Variants in ANO5 observed in about 807,000 individuals in gnomAD.
ANO5 encodes anoctamin 5.
A neutral mutation model predicts 121.0 loss-of-function variants in ANO5; 109 were observed. That is an observed-to-expected ratio of 0.90 (90% CI 0.77 to 1.06). The LOEUF (loss-of-function observed/expected upper bound fraction) is 1.06, where lower values mean the gene tolerates loss of function less well. ANO5 is among the 50% of genes least tolerant of loss of function. The pLI, the probability that ANO5 is intolerant of heterozygous loss-of-function variation, is 0.00. For missense variants in ANO5, 1,064 were observed against 1,078.5 expected (o/e 0.99, Z 0.19); for synonymous variants, 406 against 359.9 (o/e 1.13, Z -1.45).
At chr11:22,250,703 C>T in intron 10 of ANO5, 38 bp from the exon 11 acceptor site, 1 of 1,579,498 alleles carries the variant, frequency 6.3e-7, no homozygotes. Context: ...TACCTAAACA[C>T]CTATCACTGT....
intron 15 of ANO5, 24 bp from the exon 16 acceptor site, chr11:22,262,105 A>G (rs1854206288): frequency 1.9e-6 from 3 of 1,611,656 alleles, no homozygotes; most frequent in Non-Finnish European, 1.7e-6. Flanking sequence ...AAGATGCACT[A>G]AACATTTTTT....
chr11:22,216,319 T>A (rs1852441283), intron 3 of ANO5, among the ~76,000 whole-genome samples: 1 of 151,912 alleles, frequency 6.6e-6, no homozygotes, highest in Admixed American at 6.6e-5. Flanking sequence ...TGTACGAGAG[T>A]TCTTTTTGCT....
Position 22,272,790 on chromosome 11 carries a change from A to C in ANO5, c.2036A>C (p.Gln679Pro). ...CTTTTTCTTTTCTCTACAGTTACTC[A>C]ATTTGGATTTGTTACACTATTTGTG... ...LFYEYLETVT[Q>P]FGFVTLFVAS... is the part of the protein sequence containing the mutation. The change falls in exon 19 of 22, where the codon CAA becomes CCA. Residue 679 changes from glutamine (Q) to proline (P), a missense_variant. Gln to Pro is a moderately conservative substitution (Grantham distance 76). Coordinates refer to ENST00000324559, the MANE Select transcript of ANO5 (RefSeq NM_213599.3). 6.2e-7 allele frequency: 1 copy of C among 1,613,612 alleles called. No individual in the cohort carries two copies. The highest frequency in any genetic ancestry group is 8.5e-7 in the Non-Finnish European group (1 of 1,179,712).
At chr11:22,271,110 C>A (rs1203891781) in intron 18 of ANO5, among the ~76,000 whole-genome samples, 1 of 152,166 alleles carries the variant, frequency 6.6e-6, no homozygotes, top group African/African-American at 2.4e-5. Context: ...TGGAGCGCAG[C>A]TGCCCAATCT....
At chr11:22,234,341 T>C (rs1324134191) in intron 7 of ANO5, among the ~76,000 whole-genome samples, 1 of 152,126 alleles carries the variant, frequency 6.6e-6, no homozygotes, top group Non-Finnish European at 1.5e-5. Flanking sequence ...GAGTTATTCA[T>C]TTATAAACTG....
In ANO5 at chr11:22,208,667, T is replaced by A. The variant is rs188703441; in HGVS notation, c.88-2597T>A. 3.3e-3 allele frequency among the ~76,000 whole-genome samples: 500 copies of A among 152,116 alleles called. 2 individuals are homozygous for A. The highest frequency in any genetic ancestry group is 0.011 in the African/African-American group (463 of 41,564). On this transcript the variant is annotated intron_variant, in intron 2 of 21. Coordinates refer to ENST00000324559, the MANE Select transcript of ANO5 (RefSeq NM_213599.3). ...GACCTCCAACTATACAGAGACATTG[T>A]ACTCATGTCAGCTTCCTGATTATGA...
chr11:22,235,316 G>T (rs1162933704), intron 7 of ANO5, among the ~76,000 whole-genome samples: 1 of 151,810 alleles, frequency 6.6e-6, no homozygotes, highest in Non-Finnish European at 1.5e-5. Context: ...TGTAAAACAG[G>T]TCATATTTAT....
chr11:22,266,546 A>G (rs1854372599), intron 17 of ANO5, among the ~76,000 whole-genome samples: 1 of 151,986 alleles, frequency 6.6e-6, no homozygotes, highest in African/African-American at 2.4e-5. Context: ...ATTTTTGGCC[A>G]TATTTGTTTC....
At chr11:22,273,033 G>A (rs201711989) in intron 19 of ANO5, 44 bp downstream of exon 19, 1 of 1,546,168 alleles carries the variant, frequency 6.5e-7, no homozygotes, top group East Asian at 2.2e-5. Context: ...ATTTCATTTT[G>A]GGGGGTGTGG....
In ANO5 at chr11:22,214,745, T is replaced by A. The variant is rs574881139; in HGVS notation, c.138+3431T>A. On this transcript the variant is annotated intron_variant, in intron 3 of 21. Transcript: ENST00000324559. ...GCAAGAGGTCAAGGGAGCTCTTTGG[T>A]TACCTGCACAGGACAAAAAGCAGGG... is the stretch of plus-strand genomic sequence containing the variant. Among the ~76,000 whole-genome samples the A allele has an allele frequency of 3.3e-5, 5 of 152,072 alleles. No homozygotes were observed. In the South Asian group the frequency reaches 1.0e-3, roughly 32 times the overall value.
Position 22,263,072 on chromosome 11 carries a change from G to C in ANO5, c.1898+29G>C, listed in dbSNP as rs76084798. 2.6e-6 allele frequency: 4 copies of C among 1,535,822 alleles called. No individual in the cohort carries two copies. In the African/African-American group the frequency reaches 5.5e-5, roughly 21 times the overall value. ...TGTATGACTTACAAGCTTTTTATTTGATTTAAGTAACCATGAGATATTTCC... is the reference window on the plus strand; with the variant it reads ...TGTATGACTTACAAGCTTTTTATTTCATTTAAGTAACCATGAGATATTTCC... On this transcript the variant is annotated intron_variant, in intron 17 of 21. Transcript: ENST00000324559.
At chr11:22,252,252 T>G (rs1008571575) in intron 12 of ANO5, among the ~76,000 whole-genome samples, 1 of 152,110 alleles carries the variant, frequency 6.6e-6, no homozygotes, top group Non-Finnish European at 1.5e-5. Context: ...TTTTTGTAAG[T>G]TGTTGTATAT....
At position 22,257,442 on chromosome 11, in the gene ANO5, T is replaced by C. The variant is rs7937378; in HGVS notation, c.1333-238T>C. Reference sequence around the variant, plus strand: ...GCCCTAAACATTGTAATTCAGCATTTAGGAAATTGTGTGTATCCATTATGT... The same window carrying C: ...GCCCTAAACATTGTAATTCAGCATTCAGGAAATTGTGTGTATCCATTATGT... On this transcript the variant is annotated intron_variant, in intron 13 of 21. Coordinates refer to ENST00000324559, the MANE Select transcript of ANO5 (RefSeq NM_213599.3). Among the ~76,000 whole-genome samples the C allele has an allele frequency of 0.059, 8,958 of 152,214 alleles. 878 individuals are homozygous for C. Among genetic ancestry groups the C allele is most frequent in the African/African-American group, 0.21 (8,550 of 41,506 alleles).
intron 17 of ANO5, among the ~76,000 whole-genome samples, chr11:22,266,834 A>G (rs1473359926): frequency 1.3e-5 from 2 of 152,164 alleles, no homozygotes; most frequent in East Asian, 3.9e-4. Context: ...AAGATGTTTG[A>G]CAGCATCCTT....
rs1855044041 is a variant in ANO5, at chr11:22,280,619, AAATT to A, written c.*856_*859del. The A allele has an allele frequency of 1.3e-5, 2 of 151,962 alleles. No individual in the cohort carries two copies. Among genetic ancestry groups the A allele is most frequent in the Non-Finnish European group, 2.9e-5 (2 of 67,860 alleles). The allele number at this position is 151,962 out of a possible 1,614,324, so 9.4% of individuals were successfully genotyped here. On this transcript the variant is annotated 3_prime_UTR_variant, in exon 22 of 22. Transcript: ENST00000324559. ...GTTGATTTTAATTTAGAAAATTGTT[AAATT>A]ATTTCTTAAAAATCACTTTTCTTCT...
At chr11:22,221,397 T>C (rs1394252759) in intron 5 of ANO5, among the ~76,000 whole-genome samples, 187 bp downstream of exon 5, 1 of 152,022 alleles carries the variant, frequency 6.6e-6, no homozygotes, top group East Asian at 1.9e-4. Context: ...TGTTATCTTT[T>C]TGGATATTTT....
chr11:22,274,639 CCA>C lies in ANO5; in HGVS notation c.2311_2312del (p.Gln771AlafsTer8), dbSNP rs137854528. 2.4e-5 allele frequency: 38 copies of C among 1,613,210 alleles called. No individual in the cohort carries two copies. Among genetic ancestry groups the C allele is most frequent in the Non-Finnish European group, 2.5e-6 (3 of 1,179,576 alleles). On this transcript the variant is annotated frameshift_variant, in exon 20 of 22. Coordinates refer to ENST00000324559, the MANE Select transcript of ANO5 (RefSeq NM_213599.3). LOFTEE classifies it high-confidence loss of function. ...TACTACTATGCTTACTCAACAAATG[CCA>C]CACAGCCTATGACAGGATATGTGAA... is the stretch of plus-strand genomic sequence containing the variant.
At chr11:22,249,912 A>C (rs1853744341) in intron 9 of ANO5, among the ~76,000 whole-genome samples, 1 of 152,146 alleles carries the variant, frequency 6.6e-6, no homozygotes, top group Admixed American at 6.6e-5. Flanking sequence ...AAACCATTTA[A>C]ATTCTCTTTA....
intron 17 of ANO5, among the ~76,000 whole-genome samples, chr11:22,263,327 C>A (rs575521800): frequency 6.6e-6 from 1 of 152,136 alleles, no homozygotes; most frequent in East Asian, 1.9e-4. Flanking sequence ...ATGTTTTGAA[C>A]ACAATCTTTT....
Sources: gnomAD v4.1 joint callset for allele counts (sites outside exome capture counted in the v4.1 genomes callset) on GRCh38, gnomAD v4.1.1 for gene constraint, MANE v1.5 for transcripts, NCBI Gene and HGNC (gene_info 2026-07-23, HGNC 2026-07-21) for gene names.